The following MEI1 variants were observed in gnomAD, a reference collection of about 807,000 sequenced individuals.
The protein encoded by MEI1 is meiosis inhibitor protein 1.
In MEI1, 103 loss-of-function variants were observed where a neutral mutation model predicts 146.2. The observed-to-expected ratio is 0.70, with a 90% CI of 0.60 to 0.83. The LOEUF (loss-of-function observed/expected upper bound fraction) is 0.83. MEI1 is among the 40% of genes least tolerant of loss of function. MEI1 has a pLI of 0.00. For missense variants in MEI1, 1,529 were observed against 1,533.0 expected, an observed-to-expected ratio of 1.00 and a Z score of 0.04; for synonymous variants, 652 against 628.2, an observed-to-expected ratio of 1.04 and a Z score of -0.57.
At chr22:41,741,354 T>C (rs755264988) in intron 11 of MEI1, among the ~76,000 whole-genome samples, 2 of 152,202 alleles carry the variant, frequency 1.3e-5, no homozygotes, top group Non-Finnish European at 2.9e-5. Flanking sequence ...CCCTGTGAAA[T>C]AGTCATTCAT....
At chr22:41,700,369 C>T (rs193004400) in intron 1 of MEI1, among the ~76,000 whole-genome samples, 78 of 152,356 alleles carry the variant, frequency 5.1e-4, no homozygotes, top group African/African-American at 1.6e-3. Flanking sequence ...CTCGCTCTGA[C>T]ACCCAGGCCG....
At chr22:41,798,427 A>G (rs2076451581) in intron 30 of MEI1, among the ~76,000 whole-genome samples, 1 of 151,858 alleles carries the variant, frequency 6.6e-6, no homozygotes, top group Non-Finnish European at 1.5e-5. Flanking sequence ...AAAATACAAA[A>G]ATTAGCTGGG....
rs1468687738 is a variant in MEI1 at position 41,714,140 on chromosome 22, C to T, written c.423+65C>T. 8 of 1,453,084 alleles carry T rather than the reference C, an allele frequency of 5.5e-6. No homozygotes were observed. In the African/African-American group the frequency reaches 5.6e-5, roughly 10 times the overall value. The allele number at this position is 1,453,084 out of a possible 1,614,324, so 90.0% of individuals were successfully genotyped here. On this transcript the variant is annotated intron_variant, in intron 4 of 30. Coordinates refer to ENST00000401548, the MANE Select transcript of MEI1 (RefSeq NM_152513.4). ...CTCAGATGTCAGAGCTGGGTCAACC[C>T]TTTGAACAAATGAGAGATTGAAGTC... is the stretch of plus-strand genomic sequence containing the variant.
At chr22:41,736,338 C>A (rs1601829190) in intron 11 of MEI1, among the ~76,000 whole-genome samples, 1 of 150,996 alleles carries the variant, frequency 6.6e-6, no homozygotes, top group African/African-American at 2.4e-5. Flanking sequence ...CAAGTTGTGC[C>A]TCCCGGGTTC....
rs193257330 is a variant in MEI1, at chr22:41,769,048, A to C, written c.2269-1638A>C. Among the ~76,000 whole-genome samples the C allele has an allele frequency of 5.3e-5, 8 of 152,340 alleles. No homozygotes were observed. In the East Asian group the frequency reaches 1.5e-3, roughly 29 times the overall value. ...CAATCTGTATCAAAATCCCAATTGT[A>C]CTTTTTTGCAAAAATGAATAAGCTG... On this transcript the variant is annotated intron_variant, in intron 19 of 30. Coordinates refer to ENST00000401548, the MANE Select transcript of MEI1 (RefSeq NM_152513.4).
At chr22:41,784,551 C>G (rs1371287443) in intron 25 of MEI1, 57 bp from the exon 26 acceptor site, 4 of 1,598,628 alleles carry the variant, frequency 2.5e-6, no homozygotes, top group Non-Finnish European at 3.4e-6. Context: ...TGTGACAGAG[C>G]TGGGTGGGAG....
At chr22:41,777,942 C>T (rs1352126809) in intron 21 of MEI1, among the ~76,000 whole-genome samples, 1 of 150,452 alleles carries the variant, frequency 6.6e-6, no homozygotes, top group Non-Finnish European at 1.5e-5. Flanking sequence ...TCTTCTTCTC[C>T]TCTTGTTCTT....
At chr22:41,773,577 A>G (rs967323261) in intron 20 of MEI1, among the ~76,000 whole-genome samples, 3 of 151,626 alleles carry the variant, frequency 2.0e-5, no homozygotes, top group Non-Finnish European at 4.4e-5. Context: ...AAAAAAAAAA[A>G]AAAAGAACAG....
intron 19 of MEI1, among the ~76,000 whole-genome samples, chr22:41,764,016 T>C (rs184447132): frequency 7.0e-6 from 1 of 142,232 alleles, no homozygotes; most frequent in Non-Finnish European, 1.5e-5. Flanking sequence ...GCAGGATCGC[T>C]GTGGCAGGAT....
At position 41,731,836 on chromosome 22, in the gene MEI1, G is replaced by T. The variant is rs990537267; in HGVS notation, c.1097-409G>T. On this transcript the variant is annotated intron_variant, in intron 9 of 30. Transcript: ENST00000401548. ...GAAATTTCATTATGAGCTGATTAGA[G>T]CTCTGCTAGAGGGAAGCACAGGAGC... Among the ~76,000 whole-genome samples the T allele has an allele frequency of 5.4e-4, 82 of 152,206 alleles. 1 individual carries two copies. The highest frequency in any genetic ancestry group is 1.9e-3 in the African/African-American group (79 of 41,448).
chr22:41,789,679 C>T (rs117963388), intron 26 of MEI1, among the ~76,000 whole-genome samples: 1,675 of 152,192 alleles, frequency 0.011, 14 homozygotes, highest in Non-Finnish European at 0.016. Flanking sequence ...ATTTTACTTG[C>T]TATCTCTATG....
intron 26 of MEI1, among the ~76,000 whole-genome samples, chr22:41,789,416 G>A (rs1206845067): frequency 6.6e-6 from 1 of 152,182 alleles, no homozygotes. Context: ...CTCTGGCTTT[G>A]GCCTCACAAA....
At chr22:41,706,173 C>G (rs763543126) in intron 3 of MEI1, among the ~76,000 whole-genome samples, 5 of 152,140 alleles carry the variant, frequency 3.3e-5, no homozygotes, top group Non-Finnish European at 7.3e-5. Context: ...TGTGCACTAC[C>G]ATGACTGGCT....
At chr22:41,741,980 G>T (rs1236683275) in intron 11 of MEI1, among the ~76,000 whole-genome samples, 1 of 150,892 alleles carries the variant, frequency 6.6e-6, no homozygotes, top group Non-Finnish European at 1.5e-5. Flanking sequence ...AAGTTCTCAG[G>T]CTGGGTGCAG....
At position 41,732,310 on chromosome 22, in the gene MEI1, C is replaced by T; in HGVS notation, c.1162C>T (p.Gln388Ter). The change falls in exon 10 of 31, where the codon CAG becomes TAG. Residue 388 changes from glutamine (Q) to a stop codon, truncating the protein, a stop_gained. Transcript: ENST00000401548. LOFTEE classifies it high-confidence loss of function. The part of the protein sequence containing the change: ...LKMNNIELHK[Q>*]GLLLFAEILT... ...GATGAACAACATAGAGCTGCACAAGCAGGGCCTGCTGCTTTTCGCTGAAAT... is the reference window on the plus strand; with the variant it reads ...GATGAACAACATAGAGCTGCACAAGTAGGGCCTGCTGCTTTTCGCTGAAAT... The T allele has an allele frequency of 6.2e-7, 1 of 1,612,650 alleles. No homozygotes were observed. Among genetic ancestry groups the T allele is most frequent in the Non-Finnish European group, 8.5e-7 (1 of 1,179,418 alleles).
At chr22:41,706,840 G>C (rs2069130615) in intron 3 of MEI1, among the ~76,000 whole-genome samples, 1 of 152,090 alleles carries the variant, frequency 6.6e-6, no homozygotes, top group South Asian at 2.1e-4. Flanking sequence ...TACTAGTTAG[G>C]ATCCAGTCAG....
chr22:41,792,794 T>G (rs947322159), intron 26 of MEI1, among the ~76,000 whole-genome samples: 2 of 152,168 alleles, frequency 1.3e-5, no homozygotes, highest in Non-Finnish European at 2.9e-5. Context: ...TCTTTTTAAC[T>G]TTAGCTATTG....
intron 5 of MEI1, among the ~76,000 whole-genome samples, chr22:41,716,355 CTTTTTTTTTTTTTTTTTTTTT>C (rs6147630): frequency 2.5e-5 from 3 of 118,588 alleles, no homozygotes; most frequent in Middle Eastern, 4.5e-3. Flanking sequence ...TCCATTCATT[CTTTTTTTTTTTTTTTTTTTTT>C]TTTTTTTTTT....
In MEI1 at chr22:41,789,236, C is replaced by T. The variant is rs146675537; in HGVS notation, c.3345+4453C>T. Among the ~76,000 whole-genome samples the T allele has an allele frequency of 6.6e-3, 1,011 of 152,184 alleles. 11 individuals carry two copies. The highest frequency in any genetic ancestry group is 0.022 in the African/African-American group (929 of 41,532). On this transcript the variant is annotated intron_variant, in intron 26 of 30. Coordinates refer to ENST00000401548, the MANE Select transcript of MEI1 (RefSeq NM_152513.4). ...CCAAGGCAGGAGAATCACTTGAACC[C>T]GGGAGGTGGAGGTTGCAGTGAGCCA... is the stretch of plus-strand genomic sequence containing the variant.
Sources: allele counts gnomAD v4.1 joint callset (sites outside exome capture counted in the v4.1 genomes callset), GRCh38; gene constraint gnomAD v4.1.1; transcripts MANE v1.5; gene names NCBI Gene and HGNC (gene_info 2026-07-23, HGNC 2026-07-21).